Variants in C15orf40 observed in about 807,000 individuals in gnomAD.
C15orf40 encodes chromosome 15 open reading frame 40, also known as UPF0235 protein C15orf40.
C15orf40 carries 9 observed loss-of-function variants against 13.9 expected under a neutral mutation model. The observed-to-expected ratio is 0.65, with a 90% CI of 0.39 to 1.13. The LOEUF (loss-of-function observed/expected upper bound fraction) is 1.13, where lower values mean the gene tolerates loss of function less well. Ranked by LOEUF, C15orf40 falls within the 50% of genes most tolerant of loss-of-function variation. The probability of loss-of-function intolerance (pLI) is 0.01; values close to 1 mark genes in which losing one functional copy is unlikely to be tolerated. For missense variants in C15orf40, 225 were observed against 188.5 expected (o/e 1.19, Z -1.13); for synonymous variants, 95 against 69.2 (o/e 1.37, Z -1.85).
At chr15:82,993,960 G>A (rs2030957182), downstream of C15orf40, among the ~76,000 whole-genome samples, 1 of 152,102 alleles carries the variant, frequency 6.6e-6, no homozygotes, top group Admixed American at 6.5e-5. Flanking sequence ...TTTTTTGTTT[G>A]TGTTTTGTTT....
intron 3 of C15orf40, among the ~76,000 whole-genome samples, chr15:83,007,077 C>T (rs927964660): frequency 6.6e-6 from 1 of 151,896 alleles, no homozygotes; most frequent in Non-Finnish European, 1.5e-5. Flanking sequence ...TGGCTGGGCC[C>T]CCCTCCTGCA....
chr15:83,000,206 G>A lies in C15orf40; in HGVS notation c.*5391C>T, dbSNP rs974275420. On this transcript the variant is annotated 3_prime_UTR_variant, in exon 4 of 4. Coordinates refer to ENST00000304177, the MANE Select transcript of C15orf40 (RefSeq NM_144597.3). The stretch of plus-strand genomic sequence containing the variant: ...TCTCACTAGCAGATCCCACTATACA[G>A]TCTATTTGGCAGTTGTGTTCTTCAC... 1 of 152,216 alleles carries A rather than the reference G, an allele frequency of 6.6e-6. No homozygotes were observed. The highest frequency in any genetic ancestry group is 2.4e-5 in the African/African-American group (1 of 41,438). 9.4% of individuals were successfully genotyped at this position (152,216 alleles called of 1,614,324 possible).
chr15:83,011,322 G>GCGACGGCAGCAGGC (rs2031996528), intron 1 of C15orf40, 175 bp downstream of exon 1: 1 of 642,668 alleles, frequency 1.6e-6, no homozygotes. Context: ...CTGAGGCGGG[G>GCGACGGCAGCAGGC]CGACGGCAGC....
chr15:83,005,761 T>C, intron 3 of C15orf40, 69 bp from the exon 4 acceptor site: 1 of 1,526,452 alleles, frequency 6.6e-7, no homozygotes, highest in Non-Finnish European at 8.8e-7. Flanking sequence ...ATAGCAGACC[T>C]CCGTTGTATA....
downstream of C15orf40, among the ~76,000 whole-genome samples, chr15:82,994,354 T>C (rs2030970243): frequency 6.6e-6 from 1 of 152,194 alleles, no homozygotes; most frequent in Non-Finnish European, 1.5e-5. Context: ...AAATTTTATT[T>C]ATTTTAAACA....
chr15:82,994,475 T>C (rs890809573), downstream of C15orf40, among the ~76,000 whole-genome samples: 4 of 152,232 alleles, frequency 2.6e-5, no homozygotes, highest in African/African-American at 9.6e-5. Context: ...TATGGAAAAC[T>C]ATGCCGTAGA....
At chr15:83,009,306 A>G (rs774255490) in intron 2 of C15orf40, among the ~76,000 whole-genome samples, 54 of 152,330 alleles carry the variant, frequency 3.5e-4, no homozygotes, top group Non-Finnish European at 6.6e-4. Context: ...TACCATTATT[A>G]TCTCCATTTT....
At position 83,001,217 on chromosome 15, in the gene C15orf40, T is replaced by A. The variant is rs2031403126; in HGVS notation, c.*4380A>T. The A allele has an allele frequency of 1.0e-6, 1 of 985,324 alleles. No homozygotes were observed. Among genetic ancestry groups the A allele is most frequent in the Non-Finnish European group, 1.2e-6 (1 of 829,962 alleles). 61.0% of individuals were successfully genotyped at this position (985,324 alleles called of 1,614,324 possible). A position where few individuals can be genotyped will look rare whatever the true frequency, so the allele number is the denominator to read the frequency against. On this transcript the variant is annotated 3_prime_UTR_variant, in exon 4 of 4. Coordinates refer to ENST00000304177, the MANE Select transcript of C15orf40 (RefSeq NM_144597.3). ...GCTCACAGAAATCAGAAGTCTGAAA[T>A]CTCTGCTCCTGCCTCCAGGGCATAA...
chr15:83,010,716 GT>G (rs1169834952), intron 1 of C15orf40: 1 of 189,722 alleles, frequency 5.3e-6, no homozygotes, highest in Non-Finnish European at 1.1e-5. Context: ...GCTAATAAAT[GT>G]TGGTGAAAGT....
In C15orf40 at chr15:83,005,624, T is replaced by C. The variant is rs1434174415; in HGVS notation, c.435A>G (p.Lys145=). ...ASTTPEEILE[K]LKKEAKKT Reference sequence around the variant, plus strand: ...ATGTTTTTTTGGCTTCCTTTTTTAATTTCTCCAAGATCTCTTCTGGAGTTG... The same window carrying C: ...ATGTTTTTTTGGCTTCCTTTTTTAACTTCTCCAAGATCTCTTCTGGAGTTG... The change falls in exon 4 of 4, where the codon AAA becomes AAG. Residue 145 remains lysine (K), a synonymous_variant. Coordinates refer to ENST00000304177, the MANE Select transcript of C15orf40 (RefSeq NM_144597.3). 2 of 1,611,886 alleles carry C rather than the reference T, an allele frequency of 1.2e-6. No individual in the cohort carries two copies. Among genetic ancestry groups the C allele is most frequent in the African/African-American group, 2.7e-5 (2 of 74,822 alleles).
rs1371698072 is a variant in C15orf40, at chr15:83,001,788, G to C, written c.*3809C>G. 2 of 152,254 alleles carry C rather than the reference G, an allele frequency of 1.3e-5. No homozygotes were observed. Among genetic ancestry groups the C allele is most frequent in the African/African-American group, 4.8e-5 (2 of 41,468 alleles). 9.4% of individuals were successfully genotyped at this position (152,254 alleles called of 1,614,324 possible). A position where few individuals can be genotyped will look rare whatever the true frequency, so the allele number is the denominator to read the frequency against. ...TAGTCCTGTGTGAGACAATTAAGTT[G>C]TGAGGCTGCTGTAGACTATCTTGTT... On this transcript the variant is annotated 3_prime_UTR_variant, in exon 4 of 4. Transcript: ENST00000304177.
At position 83,001,604 on chromosome 15, in the gene C15orf40, C is replaced by T. The variant is rs17295457; in HGVS notation, c.*3993G>A. ...GAACCATGTCATTAGACAAATGTTA[C>T]GGAGGCTGAATATTTTGTGTCTTGG... On this transcript the variant is annotated 3_prime_UTR_variant, in exon 4 of 4. Transcript: ENST00000304177. 15,789 of 152,212 alleles carry T rather than the reference C, an allele frequency of 0.1. 910 individuals are homozygous for T. The highest frequency in any genetic ancestry group is 0.14 in the African/African-American group (5,838 of 41,496). 9.4% of individuals were successfully genotyped at this position (152,212 alleles called of 1,614,324 possible).
chr15:83,002,687 G>C lies in C15orf40; in HGVS notation c.*2910C>G, dbSNP rs2031467279. The C allele has an allele frequency of 6.6e-6, 1 of 152,234 alleles. No homozygotes were observed. Among genetic ancestry groups the C allele is most frequent in the Non-Finnish European group, 1.5e-5 (1 of 68,064 alleles). The allele number at this position is 152,234 out of a possible 1,614,324, so 9.4% of individuals were successfully genotyped here. On this transcript the variant is annotated 3_prime_UTR_variant, in exon 4 of 4. Transcript: ENST00000304177. Reference sequence around the variant, plus strand: ...CCTAGGAGTGGCCTTTTCTCCTACTGCAGGGGTTGATACGTGAATATGAAA... The same window carrying C: ...CCTAGGAGTGGCCTTTTCTCCTACTCCAGGGGTTGATACGTGAATATGAAA...
chr15:82,992,876 C>G (rs1490818609), downstream of C15orf40, among the ~76,000 whole-genome samples: 5 of 152,092 alleles, frequency 3.3e-5, no homozygotes, highest in African/African-American at 1.2e-4. Context: ...ACAGCAGTTA[C>G]TATCAGACTG....
chr15:82,993,388 G>C (rs1042970765), downstream of C15orf40, among the ~76,000 whole-genome samples: 1 of 152,216 alleles, frequency 6.6e-6, no homozygotes, highest in African/African-American at 2.4e-5. Flanking sequence ...AGAAGACGTT[G>C]AGAATTAAGG....
chr15:82,992,228 T>C (rs919745557), downstream of C15orf40, among the ~76,000 whole-genome samples: 22 of 151,978 alleles, frequency 1.4e-4, no homozygotes, highest in African/African-American at 5.1e-4. Flanking sequence ...AAAGTAATGA[T>C]TTATAGGCTG....
At position 83,004,277 on chromosome 15, in the gene C15orf40, C is replaced by T; in HGVS notation, c.*1320G>A. ...AGGCGTGAGCCACCAAGCCCAGCTACCATCAGCAATTTTTATTATTGTTCT... is the reference window on the plus strand; with the variant it reads ...AGGCGTGAGCCACCAAGCCCAGCTATCATCAGCAATTTTTATTATTGTTCT... On this transcript the variant is annotated 3_prime_UTR_variant, in exon 4 of 4. Transcript: ENST00000304177. 4.1e-6 allele frequency: 4 copies of T among 978,102 alleles called. No homozygotes were observed. Among genetic ancestry groups the T allele is most frequent in the Non-Finnish European group, 4.9e-6 (4 of 823,344 alleles). 60.6% of individuals were successfully genotyped at this position (978,102 alleles called of 1,614,324 possible).
downstream of C15orf40, among the ~76,000 whole-genome samples, chr15:82,991,609 T>C (rs2030864453): frequency 6.6e-6 from 1 of 152,172 alleles, no homozygotes; most frequent in Non-Finnish European, 1.5e-5. Context: ...CACCCCACTC[T>C]AGGCCCTCGA....
downstream of C15orf40, chr15:82,990,645 C>A (rs2030815511): frequency 7.9e-6 from 12 of 1,525,508 alleles, no homozygotes; most frequent in South Asian, 1.3e-4. Context: ...AGAGGGAAAT[C>A]AGTAATAAAG....
Sources: allele counts gnomAD v4.1 joint callset (sites outside exome capture counted in the v4.1 genomes callset), GRCh38; gene constraint gnomAD v4.1.1; transcripts MANE v1.5; gene names NCBI Gene and HGNC (gene_info 2026-07-23, HGNC 2026-07-21).